The following TERB1 variants were observed in gnomAD, a reference collection of about 807,000 sequenced individuals.
TERB1 encodes telomere repeat binding bouquet formation protein 1.
In TERB1, 63 loss-of-function variants were observed where a neutral mutation model predicts 92.3. That is an observed-to-expected ratio of 0.68 (90% confidence interval 0.56 to 0.84). TERB1 has a LOEUF of 0.84. Among genes scored for constraint, TERB1 ranks in the 40% least tolerant of loss-of-function variants. TERB1 has a pLI of 0.00. For missense variants in TERB1, 709 were observed against 843.7 expected, an observed-to-expected ratio of 0.84 and a Z score of 1.98; for synonymous variants, 252 against 283.9, an observed-to-expected ratio of 0.89 and a Z score of 1.13.
intron 18 of TERB1, 180 bp downstream of exon 18, chr16:66,758,593 C>G: frequency 2.1e-6 from 1 of 482,986 alleles, no homozygotes; most frequent in Non-Finnish European, 3.6e-6. Context: ...ATACAAAAAC[C>G]AGCAGGGTGT....
At chr16:66,769,940 T>A (rs2018414750) in intron 14 of TERB1, 23 bp downstream of exon 14, 1 of 1,471,328 alleles carries the variant, frequency 6.8e-7, no homozygotes, top group Non-Finnish European at 9.3e-7. Context: ...AAATAAAAGT[T>A]ACACACAATT....
At chr16:66,768,073 TA>T (rs1567468157) in intron 15 of TERB1, 30 bp downstream of exon 15, 1 of 1,512,154 alleles carries the variant, frequency 6.6e-7, no homozygotes, top group Non-Finnish European at 9.0e-7. Context: ...TCTGTTTTAT[TA>T]AAAAACCAAA....
intron 12 of TERB1, 86 bp downstream of exon 12, chr16:66,775,032 C>G: frequency 7.4e-7 from 1 of 1,353,998 alleles, no homozygotes; most frequent in Non-Finnish European, 1.0e-6. Flanking sequence ...AATCTGAGAG[C>G]TATAGGGCCT....
chr16:66,778,528 T>C (rs985753978), intron 10 of TERB1, among the ~76,000 whole-genome samples: 7 of 152,138 alleles, frequency 4.6e-5, no homozygotes, highest in African/African-American at 1.4e-4. Flanking sequence ...AGCGATTCTC[T>C]TGTCTTGGCC....
chr16:66,770,907 G>C (rs2018437097), intron 13 of TERB1, among the ~76,000 whole-genome samples: 1 of 152,026 alleles, frequency 6.6e-6, no homozygotes, highest in Admixed American at 6.6e-5. Flanking sequence ...CTGGAGTGCA[G>C]TGGCATGATC....
intron 12 of TERB1, among the ~76,000 whole-genome samples, 184 bp from the exon 13 acceptor site, chr16:66,772,933 A>G (rs1016006161): frequency 1.3e-5 from 2 of 152,206 alleles, no homozygotes; most frequent in African/African-American, 4.8e-5. Flanking sequence ...AAACAGTCAT[A>G]AATCAGACTT....
chr16:66,786,200 C>T (rs1206885603), intron 7 of TERB1, 25 bp downstream of exon 7: 2 of 1,539,980 alleles, frequency 1.3e-6, no homozygotes, highest in African/African-American at 2.8e-5. Context: ...GAATAATTAA[C>T]AAAAAGAAAT....
At chr16:66,777,022 T>C (rs1163765921) in intron 11 of TERB1, among the ~76,000 whole-genome samples, 181 bp downstream of exon 11, 1 of 152,124 alleles carries the variant, frequency 6.6e-6, no homozygotes, top group East Asian at 1.9e-4. Flanking sequence ...CAGGTCTTAA[T>C]GACTGACTTA....
At chr16:66,757,998 C>T (rs1184221988) in intron 18 of TERB1, among the ~76,000 whole-genome samples, 1 of 152,118 alleles carries the variant, frequency 6.6e-6, no homozygotes, top group Non-Finnish European at 1.5e-5. Context: ...TAGTTATGAA[C>T]AAAAACCTGC....
chr16:66,786,357 GTTTTA>G (rs1360602529), intron 6 of TERB1, 72 bp from the exon 7 acceptor site: 1 of 1,057,478 alleles, frequency 9.5e-7, no homozygotes, highest in African/African-American at 1.6e-5. Context: ...GAACAGTTAA[GTTTTA>G]TTTTAATAAA....
intron 12 of TERB1, among the ~76,000 whole-genome samples, chr16:66,774,056 T>G (rs1420140974): frequency 1.3e-5 from 2 of 150,824 alleles, no homozygotes; most frequent in Non-Finnish European, 3.0e-5. Flanking sequence ...ATTTTTTTTG[T>G]ATTTTTAGTA....
intron 2 of TERB1, among the ~76,000 whole-genome samples, chr16:66,800,388 G>T (rs1182842539): frequency 1.7e-5 from 2 of 120,772 alleles, no homozygotes; most frequent in Admixed American, 1.7e-4. Flanking sequence ...TAAAAATAAA[G>T]AAAGTTTTTT....
In TERB1 at chr16:66,785,801, T is replaced by C; in HGVS notation, c.685A>G (p.Thr229Ala). ...IRPICSFIGL[T>A]LANNTYVQKY... The stretch of plus-strand genomic sequence containing the variant: ...GAACACTTACTGTTATTTGCAAGAG[T>C]GAGTCCAATAAATGAGCAAATAGGG... Residue 229 changes from threonine to alanine, a missense_variant, in exon 9 of 19, where the codon ACT becomes GCT. Coordinates refer to ENST00000433154, the MANE Select transcript of TERB1 (RefSeq NM_001136505.2). The C allele has an allele frequency of 6.5e-7, 1 of 1,542,738 alleles. No individual in the cohort carries two copies. Among genetic ancestry groups the C allele is most frequent in the Non-Finnish European group, 8.8e-7 (1 of 1,142,602 alleles).
At chr16:66,774,854 T>C (rs1419899036) in intron 12 of TERB1, among the ~76,000 whole-genome samples, 1 of 151,846 alleles carries the variant, frequency 6.6e-6, no homozygotes, top group East Asian at 1.9e-4. Context: ...GCCCAGATAA[T>C]TTTTTCTATA....
chr16:66,788,118 T>C, intron 6 of TERB1, 51 bp downstream of exon 6: 1 of 1,295,488 alleles, frequency 7.7e-7, no homozygotes, highest in Non-Finnish European at 1.0e-6. Context: ...TAATAATGGC[T>C]GTTCCAATTG....
At chr16:66,760,385 C>T (rs1280322664) in intron 16 of TERB1, among the ~76,000 whole-genome samples, 2 of 139,744 alleles carry the variant, frequency 1.4e-5, no homozygotes, top group African/African-American at 5.4e-5. Context: ...CTTGAACCCG[C>T]CAGGCGGAGG....
chr16:66,776,180 T>G (rs1386143872), intron 11 of TERB1, among the ~76,000 whole-genome samples: 1 of 151,802 alleles, frequency 6.6e-6, no homozygotes, highest in African/African-American at 2.4e-5. Flanking sequence ...AAATGCATAA[T>G]TAGCTGGCCC....
At chr16:66,786,990 T>A (rs2018739519) in intron 6 of TERB1, among the ~76,000 whole-genome samples, 1 of 152,186 alleles carries the variant, frequency 6.6e-6, no homozygotes, top group Non-Finnish European at 1.5e-5. Context: ...GAGAGTCTGC[T>A]GGTACTGAAT....
In TERB1 at chr16:66,758,807, T is replaced by A; in HGVS notation, c.1962A>T (p.Arg654=). Reference sequence around the variant, plus strand: ...CAGGGGTAGTAGATTCATTACTGAGTCGTTGTCTTCTACGTGGGGTCAGCA... The same window carrying A: ...CAGGGGTAGTAGATTCATTACTGAGACGTTGTCTTCTACGTGGGGTCAGCA... ...KILLTPRRRQ[R]LSNESTTPGG... The change falls in exon 18 of 19, where the codon CGA becomes CGT. Residue 654 remains arginine, a synonymous_variant. Transcript: ENST00000433154. The A allele has an allele frequency of 6.5e-7, 1 of 1,536,696 alleles. No homozygotes were observed. The highest frequency in any genetic ancestry group is 8.8e-7 in the Non-Finnish European group (1 of 1,138,876).
Sources: allele counts gnomAD v4.1 joint callset (sites outside exome capture counted in the v4.1 genomes callset), GRCh38; gene constraint gnomAD v4.1.1; transcripts MANE v1.5; gene names NCBI Gene and HGNC (gene_info 2026-07-23, HGNC 2026-07-21).